PPP2R5A: variants seen among roughly 807,000 people sequenced by gnomAD.
The protein encoded by PPP2R5A is protein phosphatase 2 regulatory subunit B'alpha, also known as serine/threonine-protein phosphatase 2A 56 kDa regulatory subunit alpha isoform.
Under a neutral mutation model 64.2 loss-of-function variants are expected in PPP2R5A, and 25 were observed. The observed-to-expected ratio is 0.39, with a 90% CI of 0.28 to 0.54. PPP2R5A has a LOEUF of 0.54. Ranked by LOEUF, PPP2R5A falls within the 20% of genes least tolerant of loss-of-function variation. The probability of loss-of-function intolerance (pLI) is 0.67; values close to 1 mark genes in which losing one functional copy is unlikely to be tolerated. For missense variants in PPP2R5A, 425 were observed against 576.3 expected (o/e 0.74, Z 2.69); for synonymous variants, 198 against 201.2 (o/e 0.98, Z 0.13).
chr1:212,322,006 C>G (rs552668411), intron 1 of PPP2R5A, among the ~76,000 whole-genome samples: 4 of 151,924 alleles, frequency 2.6e-5, no homozygotes, highest in African/African-American at 9.7e-5. Flanking sequence ...GCCAACACAG[C>G]GAAACCCCGT....
intron 1 of PPP2R5A, among the ~76,000 whole-genome samples, chr1:212,320,583 C>G (rs1659255882): frequency 6.7e-6 from 1 of 149,278 alleles, no homozygotes; most frequent in Admixed American, 6.6e-5. Flanking sequence ...GGCTGACCCC[C>G]CCGCCTCCCT....
chr1:212,294,826 G>T (rs1245131058), intron 1 of PPP2R5A, among the ~76,000 whole-genome samples: 1 of 152,196 alleles, frequency 6.6e-6, no homozygotes, highest in Non-Finnish European at 1.5e-5. Flanking sequence ...TAGGGGAGGG[G>T]AGTGATCAGG....
intron 1 of PPP2R5A, among the ~76,000 whole-genome samples, chr1:212,316,380 G>C (rs1209171811): frequency 6.6e-6 from 1 of 152,122 alleles, no homozygotes; most frequent in African/African-American, 2.4e-5. Context: ...CTGAATAGAA[G>C]ATCAAACAGC....
rs539354035 is a variant in PPP2R5A, at chr1:212,296,001, T to C, written c.181+9710T>C. On this transcript the variant is annotated intron_variant, in intron 1 of 12. Transcript: ENST00000261461. ...ATTTTTAGGAGGACAAGTTAGGAGA[T>C]TAATAAGCCAGGTAAGACTTTATGT... is the stretch of plus-strand genomic sequence containing the variant. 1.4e-4 allele frequency among the ~76,000 whole-genome samples: 22 copies of C among 152,076 alleles called. 2 individuals carry two copies. In the South Asian group the frequency reaches 4.2e-3, roughly 29 times the overall value.
At chr1:212,344,799 T>G (rs904008764) in intron 4 of PPP2R5A, among the ~76,000 whole-genome samples, 60 of 152,280 alleles carry the variant, frequency 3.9e-4, no homozygotes, top group African/African-American at 1.3e-3. Context: ...GTACACTGAT[T>G]GGGCCAATTG....
At chr1:212,360,437 A>G (rs970091010) in intron 12 of PPP2R5A, among the ~76,000 whole-genome samples, 16 of 152,312 alleles carry the variant, frequency 1.1e-4, no homozygotes, top group Admixed American at 3.9e-4. Context: ...TCTAGCTGGT[A>G]CAGGAGATGC....
At chr1:212,321,514 G>T (rs1378216518) in intron 1 of PPP2R5A, among the ~76,000 whole-genome samples, 7 of 149,300 alleles carry the variant, frequency 4.7e-5, no homozygotes, top group Admixed American at 4.6e-4. Context: ...TCTCAGACGG[G>T]GCGGTTGCCA....
intron 3 of PPP2R5A, among the ~76,000 whole-genome samples, chr1:212,340,016 A>AAAG (rs1553276226): frequency 1.4e-5 from 2 of 146,072 alleles, no homozygotes; most frequent in African/African-American, 5.0e-5. Flanking sequence ...AAAAAAAAAA[A>AAAG]GCCAGGCATG....
intron 1 of PPP2R5A, among the ~76,000 whole-genome samples, chr1:212,296,913 C>G (rs1460654269): frequency 6.6e-6 from 1 of 152,056 alleles, no homozygotes; most frequent in Non-Finnish European, 1.5e-5. Context: ...CATTCTTATG[C>G]CGGTCATGTA....
At chr1:212,293,733 T>C (rs772145446) in intron 1 of PPP2R5A, among the ~76,000 whole-genome samples, 8 of 152,064 alleles carry the variant, frequency 5.3e-5, no homozygotes, top group Non-Finnish European at 1.0e-4. Flanking sequence ...ACTTGGATAC[T>C]GAAGACAAGG....
At chr1:212,332,253 G>T (rs1659517453) in intron 2 of PPP2R5A, among the ~76,000 whole-genome samples, 1 of 152,138 alleles carries the variant, frequency 6.6e-6, no homozygotes, top group Non-Finnish European at 1.5e-5. Flanking sequence ...CAGTTAATTT[G>T]TGTACCAAAG....
At chr1:212,343,623 T>A (rs1173048457) in intron 4 of PPP2R5A, among the ~76,000 whole-genome samples, 2 of 152,208 alleles carry the variant, frequency 1.3e-5, no homozygotes, top group African/African-American at 4.8e-5. Flanking sequence ...AAAGAAATAT[T>A]AGGTGTGTAT....
intron 9 of PPP2R5A, 31 bp from the exon 10 acceptor site, chr1:212,356,917 CAT>C: frequency 6.9e-7 from 1 of 1,456,076 alleles, no homozygotes; most frequent in Non-Finnish European, 9.3e-7. Flanking sequence ...CATAATTTAT[CAT>C]GTTTCTTAAA....
intron 1 of PPP2R5A, among the ~76,000 whole-genome samples, chr1:212,288,812 A>G (rs1658550583): frequency 6.6e-6 from 1 of 152,188 alleles, no homozygotes; most frequent in South Asian, 2.1e-4. Context: ...CTTACTGTGG[A>G]GTGATTCAGA....
intron 9 of PPP2R5A, 122 bp downstream of exon 9, chr1:212,356,798 TTGGTAGAAG>T: frequency 7.6e-7 from 1 of 1,307,476 alleles, no homozygotes; most frequent in Non-Finnish European, 1.0e-6. Flanking sequence ...GTACACAGAC[TTGGTAGAAG>T]ACCTGTGCTA....
intron 4 of PPP2R5A, among the ~76,000 whole-genome samples, chr1:212,343,367 G>A (rs1659719888): frequency 6.6e-6 from 1 of 152,186 alleles, no homozygotes; most frequent in South Asian, 2.1e-4. Context: ...GGAATTTGAT[G>A]CTGAGGCCAG....
chr1:212,344,562 C>T lies in PPP2R5A; in HGVS notation c.574-1241C>T, dbSNP rs187962175. On this transcript the variant is annotated intron_variant, in intron 4 of 12. Coordinates refer to ENST00000261461, the MANE Select transcript of PPP2R5A (RefSeq NM_006243.4). Reference sequence around the variant, plus strand: ...GCTATCTTTATTGTAATTATAAACACGAAAGTTCAGAACATAAAATTCCTT... The same window carrying T: ...GCTATCTTTATTGTAATTATAAACATGAAAGTTCAGAACATAAAATTCCTT... 2.7e-4 allele frequency among the ~76,000 whole-genome samples: 41 copies of T among 152,218 alleles called. No homozygotes were observed. The East Asian group carries it at 4.6e-3, about 17-fold the overall frequency.
At chr1:212,305,491 C>G (rs12087923) in intron 1 of PPP2R5A, among the ~76,000 whole-genome samples, 17,656 of 151,878 alleles carry the variant, frequency 0.12, 2,604 homozygotes, top group African/African-American at 0.35. Flanking sequence ...AATATATATT[C>G]TCCTGTTGTT....
At chr1:212,311,122 A>C (rs2102420170) in intron 1 of PPP2R5A, among the ~76,000 whole-genome samples, 1 of 152,142 alleles carries the variant, frequency 6.6e-6, no homozygotes, top group East Asian at 1.9e-4. Flanking sequence ...ACAAGGCATG[A>C]CTCACATGTT....
Sources: gnomAD v4.1 joint callset for allele counts (sites outside exome capture counted in the v4.1 genomes callset) on GRCh38, gnomAD v4.1.1 for gene constraint, MANE v1.5 for transcripts, NCBI Gene and HGNC (gene_info 2026-07-23, HGNC 2026-07-21) for gene names.